The following RNF212 variants were observed in gnomAD, a reference collection of about 807,000 sequenced individuals.
RNF212 encodes probable E3 SUMO-protein ligase RNF212.
RNF212 carries 33 observed loss-of-function variants against 34.7 expected under a neutral mutation model. The observed-to-expected ratio is 0.95, with a 90% CI of 0.72 to 1.27. The LOEUF (loss-of-function observed/expected upper bound fraction) is 1.27. RNF212 is among the 50% of genes most tolerant of loss of function. The probability of loss-of-function intolerance (pLI) is 0.00; values close to 1 mark genes in which losing one functional copy is unlikely to be tolerated. For synonymous variants in RNF212, 140 were observed against 136.1 expected (o/e 1.03, Z -0.20); for missense variants, 377 against 362.2 (o/e 1.04, Z -0.33).
chr4:1,066,239 T>C (rs1428365735), intron 3 of RNF212, among the ~76,000 whole-genome samples: 1 of 152,166 alleles, frequency 6.6e-6, no homozygotes, highest in African/African-American at 2.4e-5. Context: ...ATAGTTTTGA[T>C]TTGCATTTCT....
At position 1,113,510 on chromosome 4, in the gene RNF212, C is replaced by G; in HGVS notation, c.-46G>C. 1 of 1,537,572 alleles carries G rather than the reference C, an allele frequency of 6.5e-7. No homozygotes were observed. Among genetic ancestry groups the G allele is most frequent in the Non-Finnish European group, 8.9e-7 (1 of 1,123,052 alleles). ...GGCGAGGCCGGGCCCACGCGAAGCC[C>G]ACGCAAGGTTGGGACCAGCCTCCCC... On this transcript the variant is annotated 5_prime_UTR_variant, in exon 1 of 10. Transcript: ENST00000433731.
intron 2 of RNF212, among the ~76,000 whole-genome samples, chr4:1,099,212 C>T (rs893075204): frequency 6.6e-5 from 10 of 152,198 alleles, no homozygotes; most frequent in Non-Finnish European, 1.3e-4. Context: ...TGCTAAGATG[C>T]ATTCACTTTC....
intron 3 of RNF212, among the ~76,000 whole-genome samples, chr4:1,094,258 G>A (rs527367850): frequency 1.3e-5 from 2 of 152,266 alleles, no homozygotes; most frequent in South Asian, 2.1e-4. Context: ...AGTGCAGGGC[G>A]GGGGCCAGGG....
At chr4:1,093,964 T>A (rs1449610649) in intron 3 of RNF212, 5 of 1,536,130 alleles carry the variant, frequency 3.3e-6, no homozygotes, top group Non-Finnish European at 4.4e-6. Flanking sequence ...CCTTGGAGGA[T>A]GTGGCTGGGC....
At chr4:1,070,295 G>A (rs1320059507), downstream of RNF212, among the ~76,000 whole-genome samples, 1 of 148,326 alleles carries the variant, frequency 6.7e-6, no homozygotes, top group South Asian at 2.1e-4. Flanking sequence ...TGAGTTACGG[G>A]TGGTTTTGTA....
chr4:1,103,847 C>T (rs890256577), intron 2 of RNF212, among the ~76,000 whole-genome samples: 6 of 152,198 alleles, frequency 3.9e-5, no homozygotes, highest in African/African-American at 1.2e-4. Flanking sequence ...CTAATGCCAC[C>T]GTTTCTCCTC....
chr4:1,108,347 T>C lies in RNF212; in HGVS notation c.167A>G (p.Lys56Arg), dbSNP rs779858396. 1 of 1,508,936 alleles carries C rather than the reference T, an allele frequency of 6.6e-7. No individual in the cohort carries two copies. Among genetic ancestry groups the C allele is most frequent in the Admixed American group, 2.7e-5 (1 of 36,788 alleles). 93.5% of individuals were successfully genotyped at this position (1,508,936 alleles called of 1,614,324 possible). A position where few individuals can be genotyped will look rare whatever the true frequency, so the allele number is the denominator to read the frequency against. ...KAPCRTVLLS[K>R]HTDADIQAFF... ...ATACGACACATTTCAACTTACATGCTTTGAAAGCAAAACTGTACGACAAGG... is the reference window on the plus strand; with the variant it reads ...ATACGACACATTTCAACTTACATGCCTTGAAAGCAAAACTGTACGACAAGG... The change falls in exon 2 of 10, where the codon AAG (lysine) becomes AGG (arginine). Residue 56 changes from lysine to arginine, a missense_variant. Physicochemically the swap from Lys to Arg is conservative, Grantham distance 26. Coordinates refer to ENST00000433731, the MANE Select transcript of RNF212 (RefSeq NM_001131034.4).
intron 2 of RNF212, among the ~76,000 whole-genome samples, chr4:1,097,198 A>G (rs989996973): frequency 6.6e-5 from 10 of 152,330 alleles, no homozygotes; most frequent in South Asian, 6.2e-4. Flanking sequence ...CTAAAATCAG[A>G]AGGATGATCT....
chr4:1,088,175 T>C (rs2153049252), intron 4 of RNF212, among the ~76,000 whole-genome samples: 1 of 152,326 alleles, frequency 6.6e-6, no homozygotes, highest in East Asian at 1.9e-4. Flanking sequence ...TTGAATGGTT[T>C]TGACCAAAAT....
Position 1,082,798 on chromosome 4 carries a change from C to T in RNF212, c.363-1179G>A, listed in dbSNP as rs566638519. 6.6e-5 allele frequency among the ~76,000 whole-genome samples: 10 copies of T among 152,360 alleles called. No individual in the cohort carries two copies. The East Asian group carries it at 1.5e-3, about 23-fold the overall frequency. On this transcript the variant is annotated intron_variant, in intron 5 of 9. Coordinates refer to ENST00000433731, the MANE Select transcript of RNF212 (RefSeq NM_001131034.4). Reference sequence around the variant, plus strand: ...GAATGCACCTGGTGCTCAGTAAACACTGGCTGCTGCGTGGCTGACTGTGGT... The same window carrying T: ...GAATGCACCTGGTGCTCAGTAAACATTGGCTGCTGCGTGGCTGACTGTGGT...
chr4:1,107,052 T>C (rs1288044916), intron 2 of RNF212, among the ~76,000 whole-genome samples: 3 of 151,902 alleles, frequency 2.0e-5, no homozygotes, highest in African/African-American at 7.3e-5. Flanking sequence ...ACTGAGAAGA[T>C]ACCATTTTTT....
chr4:1,108,194 C>A, intron 2 of RNF212, 149 bp downstream of exon 2: 5 of 521,922 alleles, frequency 9.6e-6, no homozygotes, highest in South Asian at 3.3e-5. Flanking sequence ...AAACTAAATC[C>A]TAACTGCATT....
At chr4:1,079,536 A>C in intron 8 of RNF212, 107 bp downstream of exon 8, 1 of 817,908 alleles carries the variant, frequency 1.2e-6, no homozygotes, top group Non-Finnish European at 2.2e-6. Flanking sequence ...GCACTGTGCA[A>C]AGTCTGTCTA....
chr4:1,058,285 AACGCAGTGAAGAAGGTGCTTGCGGGGGGG>A, intron 4 of RNF212: 2 of 682,068 alleles, frequency 2.9e-6, no homozygotes, highest in African/African-American at 4.3e-5. Context: ...CGGGGGTTAG[AACGCAGTGAAGAAGGTGCTTGCGGGGGGG>A]CACTACCTGA....
intron 4 of RNF212, among the ~76,000 whole-genome samples, chr4:1,088,699 C>T (rs1721720939): frequency 1.3e-5 from 2 of 152,210 alleles, no homozygotes; most frequent in Non-Finnish European, 2.9e-5. Flanking sequence ...GTTTTATGGG[C>T]CGGGCCAAGG....
upstream of RNF212, chr4:1,113,658 C>G (rs1032360348): frequency 1.5e-5 from 7 of 479,232 alleles, no homozygotes; most frequent in Non-Finnish European, 2.2e-5. Flanking sequence ...CCTGGGAGGG[C>G]GCGTGTGACT....
chr4:1,089,779 T>C (rs1034610121), intron 4 of RNF212, among the ~76,000 whole-genome samples: 1 of 152,166 alleles, frequency 6.6e-6, no homozygotes, highest in African/African-American at 2.4e-5. Flanking sequence ...TTAAGAGTGT[T>C]TGGCAGTTCC....
At chr4:1,105,952 T>G (rs1577826482) in intron 2 of RNF212, among the ~76,000 whole-genome samples, 1 of 152,350 alleles carries the variant, frequency 6.6e-6, no homozygotes, top group East Asian at 1.9e-4. Flanking sequence ...GCTGGCTGCC[T>G]GGGGACCACG....
intron 2 of RNF212, among the ~76,000 whole-genome samples, chr4:1,097,236 T>C (rs1381766193): frequency 1.3e-5 from 2 of 152,202 alleles, no homozygotes; most frequent in African/African-American, 4.8e-5. Flanking sequence ...GTCACCACTA[T>C]GTAGTCACAA....
Sources: allele counts gnomAD v4.1 joint callset (sites outside exome capture counted in the v4.1 genomes callset), GRCh38; gene constraint gnomAD v4.1.1; transcripts MANE v1.5; gene names NCBI Gene and HGNC (gene_info 2026-07-23, HGNC 2026-07-21).